Variants in TMEM230 observed in about 807,000 individuals in gnomAD.
The protein encoded by TMEM230 is transmembrane protein 230.
In TMEM230, 10 loss-of-function variants were observed where a neutral mutation model predicts 15.8. The ratio of observed to expected loss-of-function variants is 0.63; its 90% CI spans 0.39 to 1.07. The LOEUF (loss-of-function observed/expected upper bound fraction) is 1.07, where lower values mean the gene tolerates loss of function less well. Among genes scored for constraint, TMEM230 ranks in the 50% least tolerant of loss-of-function variants. TMEM230 has a pLI of 0.01. For missense variants in TMEM230, 165 were observed against 193.3 expected, an observed-to-expected ratio of 0.85 and a Z score of 0.87; for synonymous variants, 67 against 76.9, an observed-to-expected ratio of 0.87 and a Z score of 0.68.
At chr20:5,060,757 G>A in the TMEM230 span, among the ~76,000 whole-genome samples, 23 of 152,012 alleles carry the variant, frequency 1.5e-4, no homozygotes, top group East Asian at 1.2e-3. Context: ...TGAATATACC[G>A]TAATTTATCA....
intron 3 of TMEM230, among the ~76,000 whole-genome samples, chr20:5,075,356 C>T (rs564426391): frequency 5.3e-5 from 8 of 151,796 alleles, no homozygotes; most frequent in East Asian, 2.0e-4. Flanking sequence ...TAAGCCACCG[C>T]GCCCGGCCTA....
At chr20:5,073,248 C>T (rs1177645635) in intron 3 of TMEM230, among the ~76,000 whole-genome samples, 2 of 152,170 alleles carry the variant, frequency 1.3e-5, no homozygotes, top group Non-Finnish European at 1.5e-5. Flanking sequence ...CCAAAAACTC[C>T]AGAAAGACTC....
At chr20:5,061,142 CAT>C in the TMEM230 span, 1 of 152,172 alleles carries the variant, frequency 6.6e-6, no homozygotes, top group African/African-American at 2.4e-5. Context: ...GCTTGTATAA[CAT>C]ATTATGATAT....
chr20:5,086,014 T>C (rs2089326783), intron 3 of TMEM230, among the ~76,000 whole-genome samples: 1 of 152,160 alleles, frequency 6.6e-6, no homozygotes, highest in Admixed American at 6.6e-5. Flanking sequence ...GGGTAGTACA[T>C]CCTTGAACTT....
Position 5,100,553 on chromosome 20 carries a change from A to G in TMEM230, c.*238T>C. 1 of 1,294,064 alleles carries G rather than the reference A, an allele frequency of 7.7e-7. No individual in the cohort carries two copies. The highest frequency in any genetic ancestry group is 2.0e-5 in the South Asian group (1 of 51,214). The allele number at this position is 1,294,064 out of a possible 1,614,324, so 80.2% of individuals were successfully genotyped here. A position where few individuals can be genotyped will look rare whatever the true frequency, so the allele number is the denominator to read the frequency against. ...ATTACAGAATAACCTCTATTCTTCC[A>G]TGATACATATTCCTGTGGAAAAACT... is the stretch of plus-strand genomic sequence containing the variant. On this transcript the variant is annotated 3_prime_UTR_variant, in exon 5 of 5. Transcript: ENST00000342308.
chr20:5,059,277 C>T, the TMEM230 span, among the ~76,000 whole-genome samples: 1 of 151,786 alleles, frequency 6.6e-6, no homozygotes, highest in Non-Finnish European at 1.5e-5. Flanking sequence ...TTCAGATACC[C>T]CAACCCCAGT....
At chr20:5,112,698 C>T in intron 1 of TMEM230, 1 of 1,417,358 alleles carries the variant, frequency 7.1e-7, no homozygotes, top group Non-Finnish European at 9.2e-7. Context: ...ACGTTTGGCA[C>T]ACAGTGCCTG....
intron 3 of TMEM230, among the ~76,000 whole-genome samples, chr20:5,088,289 A>G (rs1004346622): frequency 2.0e-5 from 3 of 148,930 alleles, no homozygotes; most frequent in African/African-American, 7.5e-5. Context: ...AGCCTGGGCA[A>G]CGGAGGGAGA....
chr20:5,061,991 C>T, the TMEM230 span, among the ~76,000 whole-genome samples: 3 of 151,824 alleles, frequency 2.0e-5, no homozygotes, highest in African/African-American at 4.8e-5. Flanking sequence ...GAGGCCGAGG[C>T]GGGCAGATCA....
At chr20:5,106,729 G>A (rs930322253) in intron 3 of TMEM230, among the ~76,000 whole-genome samples, 36 of 152,036 alleles carry the variant, frequency 2.4e-4, no homozygotes, top group African/African-American at 8.0e-4. Context: ...TTTTAGAGAC[G>A]GAGTCTTGCT....
At chr20:5,095,718 G>A (rs2089647434), downstream of TMEM230, among the ~76,000 whole-genome samples, 1 of 152,140 alleles carries the variant, frequency 6.6e-6, no homozygotes, top group Admixed American at 6.5e-5. Flanking sequence ...CAACTAACAG[G>A]TAGGGTTCTT....
At chr20:5,095,395 C>T (rs1464395540), downstream of TMEM230, among the ~76,000 whole-genome samples, 2 of 152,146 alleles carry the variant, frequency 1.3e-5, no homozygotes, top group African/African-American at 4.8e-5. Context: ...GAAGCATGTT[C>T]CACTCCTGCC....
intron 3 of TMEM230, among the ~76,000 whole-genome samples, chr20:5,083,364 T>C (rs2089240845): frequency 6.6e-6 from 1 of 150,634 alleles, no homozygotes; most frequent in South Asian, 2.1e-4. Context: ...TCTCTCTCTA[T>C]TGAGAGAGTG....
intron 3 of TMEM230, among the ~76,000 whole-genome samples, chr20:5,088,938 T>C (rs1485713624): frequency 6.6e-6 from 1 of 152,196 alleles, no homozygotes; most frequent in African/African-American, 2.4e-5. Context: ...TATAATAGAT[T>C]TTAAAGGGAT....
chr20:5,106,271 C>A lies in TMEM230; in HGVS notation c.328G>T (p.Ala110Ser), dbSNP rs1055543199. The stretch of plus-strand genomic sequence containing the variant: ...ATCAAAAACAGCACAGTGGCAAGTG[C>A]GATGGCCTTATAAGGGATCTTAGGA... Residue 110 changes from alanine to serine, a missense_variant, in exon 4 of 5, where the codon GCA becomes TCA. Transcript: ENST00000342308. 1 of 1,613,812 alleles carries A rather than the reference C, an allele frequency of 6.2e-7. No homozygotes were observed. The highest frequency in any genetic ancestry group is 1.1e-5 in the South Asian group (1 of 91,046).
the TMEM230 span, among the ~76,000 whole-genome samples, chr20:5,059,545 C>T: frequency 6.6e-6 from 1 of 152,042 alleles, no homozygotes; most frequent in Non-Finnish European, 1.5e-5. Flanking sequence ...CCAGCTTATT[C>T]CTAAACATGC....
At chr20:5,070,038 C>A (rs1480062884) in intron 3 of TMEM230, among the ~76,000 whole-genome samples, 2 of 152,122 alleles carry the variant, frequency 1.3e-5, no homozygotes. Context: ...TTGGGGCTGA[C>A]CTTAGTGACT....
intron 3 of TMEM230, 111 bp from the exon 3 acceptor site, chr20:5,106,421 G>A: frequency 7.5e-7 from 1 of 1,341,370 alleles, no homozygotes; most frequent in South Asian, 1.5e-5. Flanking sequence ...TGTTTGTTTT[G>A]AGATGGAGTT....
At chr20:5,086,538 C>CAAAAAAAA (rs542162305) in intron 3 of TMEM230, among the ~76,000 whole-genome samples, 1 of 89,036 alleles carries the variant, frequency 1.1e-5, no homozygotes, top group African/African-American at 4.3e-5. Flanking sequence ...GACTCTGTCT[C>CAAAAAAAA]AAAAAAAAAA....
Sources: gnomAD v4.1 joint callset for allele counts (sites outside exome capture counted in the v4.1 genomes callset) on GRCh38, gnomAD v4.1.1 for gene constraint, MANE v1.5 for transcripts, NCBI Gene and HGNC (gene_info 2026-07-23, HGNC 2026-07-21) for gene names.